Variants in FAAH2 observed in about 807,000 individuals in gnomAD.
FAAH2 encodes fatty acid amide hydrolase 2.
Under a neutral mutation model 36.9 loss-of-function variants are expected in FAAH2, and 60 were observed. The ratio of observed to expected loss-of-function variants is 1.63; its 90% CI spans 1.32 to 2.02. The LOEUF (loss-of-function observed/expected upper bound fraction) is 2.02. FAAH2 is among the 30% of genes most tolerant of loss of function. The pLI, the probability that FAAH2 is intolerant of heterozygous loss-of-function variation, is 0.00. For synonymous variants in FAAH2, 214 were observed against 143.8 expected (o/e 1.49, Z -3.49); for missense variants, 689 against 397.5 (o/e 1.73, Z -6.23).
chrX:57,360,432 T>C (rs2054260632), intron 5 of FAAH2, among the ~76,000 whole-genome samples: 1 of 110,134 alleles, frequency 9.1e-6, no homozygotes, highest in Non-Finnish European at 1.9e-5. Flanking sequence ...TGCTAATTAT[T>C]TGTTCTGCTT....
intron 3 of FAAH2, among the ~76,000 whole-genome samples, chrX:57,327,396 G>T (rs1448931999): frequency 1.8e-5 from 2 of 110,460 alleles, no homozygotes; most frequent in African/African-American, 6.6e-5. Context: ...TGCCTTGCTA[G>T]ATTGGGGAAT....
At chrX:57,189,098 T>A in the FAAH2 span, among the ~76,000 whole-genome samples, 1 of 110,981 alleles carries the variant, frequency 9.0e-6, no homozygotes, top group Non-Finnish European at 1.9e-5. Flanking sequence ...TAACTCTTTT[T>A]TCTCTAATTT....
chrX:57,222,975 A>G, the FAAH2 span, among the ~76,000 whole-genome samples: 58 of 111,471 alleles, frequency 5.2e-4, no homozygotes, highest in Middle Eastern at 0.014. Flanking sequence ...CCTCTAAAAA[A>G]GCTGAACTCG....
the FAAH2 span, among the ~76,000 whole-genome samples, chrX:57,240,871 G>T: frequency 1.8e-5 from 2 of 112,407 alleles, no homozygotes; most frequent in African/African-American, 6.5e-5. Context: ...CCTGGGAAAG[G>T]CTGGTAGATA....
intron 10 of FAAH2, among the ~76,000 whole-genome samples, chrX:57,481,197 G>C (rs1211028886): frequency 9.0e-6 from 1 of 110,723 alleles, no homozygotes; most frequent in African/African-American, 3.3e-5. Flanking sequence ...TGCTCATTTA[G>C]CTCAGAGGAG....
At chrX:57,383,433 C>T (rs969320180) in intron 7 of FAAH2, among the ~76,000 whole-genome samples, 1 of 112,022 alleles carries the variant, frequency 8.9e-6, no homozygotes, top group Admixed American at 9.5e-5. Context: ...ACTCCATCTT[C>T]TCAGCCCAAA....
intron 7 of FAAH2, among the ~76,000 whole-genome samples, chrX:57,407,826 G>A (rs2055605374): frequency 8.9e-6 from 1 of 112,046 alleles, no homozygotes; most frequent in African/African-American, 3.2e-5. Flanking sequence ...TGATTTTTGT[G>A]TATGGTTTAA....
At chrX:57,198,188 A>T in the FAAH2 span, among the ~76,000 whole-genome samples, 1 of 111,517 alleles carries the variant, frequency 9.0e-6, no homozygotes, top group Non-Finnish European at 1.9e-5. Context: ...AAAGATCATC[A>T]TCATGTGGGG....
At chrX:57,260,309 G>A in the FAAH2 span, among the ~76,000 whole-genome samples, 1 of 111,140 alleles carries the variant, frequency 9.0e-6, no homozygotes, top group Non-Finnish European at 1.9e-5. Context: ...TTTCACCAAG[G>A]TACCAAGACA....
chrX:57,303,180 C>T (rs1046413975), intron 2 of FAAH2, among the ~76,000 whole-genome samples: 5 of 111,822 alleles, frequency 4.5e-5, no homozygotes, highest in African/African-American at 1.6e-4. Flanking sequence ...GGTTGGGAAA[C>T]TCCTGGGAGA....
chrX:57,153,264 G>A, the FAAH2 span, among the ~76,000 whole-genome samples: 12 of 111,727 alleles, frequency 1.1e-4, no homozygotes, highest in African/African-American at 3.3e-4. Flanking sequence ...GTCCTTATGT[G>A]TTAGGTGAGT....
Position 57,380,969 on chromosome X carries a change from T to C in FAAH2, c.936T>C (p.His312=), listed in dbSNP as rs150230159. ...LKDLKFYWME[H]DGGSFLMSKV... is the part of the protein sequence containing the mutation. ...ACTTAAAATTTTACTGGATGGAACA[T>C]GATGGAGGCTCATTTTTAATGTCCA... The change falls in exon 7 of 11, where the codon CAT becomes CAC. Residue 312 remains histidine (H), a synonymous_variant. Transcript: ENST00000374900. The C allele has an allele frequency of 7.6e-5, 91 of 1,200,767 alleles. No homozygotes were observed. In the African/African-American group the frequency reaches 1.2e-3, roughly 16 times the overall value.
chrX:57,355,620 C>T, intron 5 of FAAH2, among the ~76,000 whole-genome samples: 1 of 109,831 alleles, frequency 9.1e-6, no homozygotes, highest in East Asian at 2.8e-4. Context: ...TGAAGTGTAA[C>T]TGATTTATTT....
chrX:57,305,447 T>C (rs966336692), intron 2 of FAAH2, among the ~76,000 whole-genome samples: 4 of 111,480 alleles, frequency 3.6e-5, no homozygotes, highest in Non-Finnish European at 5.7e-5. Context: ...CATCTCTAAA[T>C]AACTCTACTT....
At chrX:57,176,069 A>C in the FAAH2 span, among the ~76,000 whole-genome samples, 1 of 111,269 alleles carries the variant, frequency 9.0e-6, no homozygotes, top group Non-Finnish European at 1.9e-5. Flanking sequence ...TCCTTTTTGC[A>C]ATTAATCTCC....
intron 7 of FAAH2, among the ~76,000 whole-genome samples, chrX:57,410,235 G>A (rs1187005608): frequency 9.0e-6 from 1 of 110,772 alleles, no homozygotes; most frequent in Admixed American, 9.7e-5. Flanking sequence ...TACTTCATAC[G>A]ATTTTGATGT....
the FAAH2 span, among the ~76,000 whole-genome samples, chrX:57,205,601 T>C: frequency 3.6e-5 from 4 of 112,276 alleles, no homozygotes; most frequent in East Asian, 1.1e-3. Flanking sequence ...GCTCTGCTTT[T>C]TGAGCTGAAG....
intron 10 of FAAH2, among the ~76,000 whole-genome samples, chrX:57,484,675 G>A (rs1005722058): frequency 2.7e-5 from 3 of 111,198 alleles, no homozygotes; most frequent in Admixed American, 9.6e-5. Flanking sequence ...TTGCTGCTTC[G>A]TGGAAGTGAG....
intron 7 of FAAH2, among the ~76,000 whole-genome samples, chrX:57,404,680 TG>T (rs1234745894): frequency 9.0e-6 from 1 of 111,164 alleles, no homozygotes; most frequent in Non-Finnish European, 1.9e-5. Flanking sequence ...CTGTAATACT[TG>T]GGAGAGGAAG....
Sources: gnomAD v4.1 joint callset for allele counts (sites outside exome capture counted in the v4.1 genomes callset) on GRCh38, gnomAD v4.1.1 for gene constraint, MANE v1.5 for transcripts, NCBI Gene and HGNC (gene_info 2026-07-23, HGNC 2026-07-21) for gene names.